The following INPP4A variants were observed in gnomAD, a reference collection of about 807,000 sequenced individuals.
INPP4A encodes the protein inositol polyphosphate-4-phosphatase type I A, also known as inositol polyphosphate-4-phosphatase, type I, 107kD.
Under a neutral mutation model 119.8 loss-of-function variants are expected in INPP4A, and 33 were observed. The ratio of observed to expected loss-of-function variants is 0.28; its 90% CI spans 0.21 to 0.37. INPP4A has a LOEUF of 0.37. Among genes scored for constraint, INPP4A ranks in the 10% least tolerant of loss-of-function variants. INPP4A has a pLI of 1.00. For missense variants in INPP4A, 956 were observed against 1,289.9 expected (o/e 0.74, Z 3.97); for synonymous variants, 496 against 500.7 (o/e 0.99, Z 0.12).
In INPP4A at chr2:98,555,594, C is replaced by T. The variant is rs898933017; in HGVS notation, c.1608C>T (p.Ile536=). 4.3e-6 allele frequency: 7 copies of T among 1,613,464 alleles called. No individual in the cohort carries two copies. The highest frequency in any genetic ancestry group is 1.6e-4 in the Middle Eastern group (1 of 6,080). Residue 536 remains isoleucine (I), a synonymous_variant, in exon 16 of 25, where the codon ATC becomes ATT. Transcript: ENST00000409851. ...ACGTGGACAAGAGCCTAGAGTGCATCATTCAGCGTGTGGACAAGCTGCTGC... is the reference window on the plus strand; with the variant it reads ...ACGTGGACAAGAGCCTAGAGTGCATTATTCAGCGTGTGGACAAGCTGCTGC... ...WLNVDKSLEC[I]IQRVDKLLQK... is the part of the protein sequence containing the mutation.
chr2:98,591,579 C>T lies in INPP4A; in HGVS notation c.*3971C>T, dbSNP rs1027165177. 17 of 152,206 alleles carry T rather than the reference C, an allele frequency of 1.1e-4. No homozygotes were observed. The highest frequency in any genetic ancestry group is 4.1e-4 in the African/African-American group (17 of 41,522). The allele number at this position is 152,206 out of a possible 1,614,324, so 9.4% of individuals were successfully genotyped here. ...TCAGCTACCGTGAGCTTCTTCCTGC[C>T]CTCCCTCCGCATGCCATTCTGGTGC... On this transcript the variant is annotated 3_prime_UTR_variant, in exon 25 of 25. Coordinates refer to ENST00000409851, the MANE Select transcript of INPP4A (RefSeq NM_001134225.2).
At chr2:98,565,116 A>G (rs1696192278) in intron 19 of INPP4A, among the ~76,000 whole-genome samples, 1 of 152,216 alleles carries the variant, frequency 6.6e-6, no homozygotes, top group African/African-American at 2.4e-5. Context: ...GGGTAGGAAT[A>G]TTTTTAAATT....
Position 98,519,991 on chromosome 2 carries a change from C to A in INPP4A, c.-58C>A. ...ACTAGGGCTCGGTGCCAGCACTTCC[C>A]GGGTAATCAGGCGTGGTCTGACCGA... is the stretch of plus-strand genomic sequence containing the variant. On this transcript the variant is annotated 5_prime_UTR_variant, in exon 3 of 25. Transcript: ENST00000409851. The A allele has an allele frequency of 1.4e-6, 2 of 1,416,658 alleles. No homozygotes were observed. Among genetic ancestry groups the A allele is most frequent in the South Asian group, 1.2e-5 (1 of 81,192 alleles). The allele number at this position is 1,416,658 out of a possible 1,614,324, so 87.8% of individuals were successfully genotyped here.
intron 7 of INPP4A, among the ~76,000 whole-genome samples, chr2:98,536,880 C>T (rs1047747037): frequency 2.0e-5 from 3 of 152,186 alleles, no homozygotes; most frequent in Admixed American, 6.5e-5. Flanking sequence ...CATTGGCTGT[C>T]TAATCAGTGG....
intron 1 of INPP4A, among the ~76,000 whole-genome samples, chr2:98,491,384 C>A (rs772353464): frequency 3.3e-5 from 5 of 152,232 alleles, no homozygotes; most frequent in Non-Finnish European, 7.3e-5. Context: ...ATTTACACCC[C>A]CAGGCCCTCA....
At chr2:98,508,201 C>A (rs1457260574) in intron 1 of INPP4A, among the ~76,000 whole-genome samples, 1 of 152,188 alleles carries the variant, frequency 6.6e-6, no homozygotes, top group Non-Finnish European at 1.5e-5. Flanking sequence ...TCCAGGTGGC[C>A]AGCTCTGGGC....
intron 13 of INPP4A, among the ~76,000 whole-genome samples, chr2:98,550,300 A>T (rs1027864571): frequency 1.3e-5 from 2 of 152,070 alleles, no homozygotes; most frequent in Non-Finnish European, 2.9e-5. Context: ...GGAGACTGTG[A>T]GGGGCTAAAT....
At chr2:98,483,922 C>T (rs549191157) in intron 1 of INPP4A, among the ~76,000 whole-genome samples, 1 of 152,198 alleles carries the variant, frequency 6.6e-6, no homozygotes, top group African/African-American at 2.4e-5. Flanking sequence ...CATAAAGAAG[C>T]TCCTGCACCC....
intron 1 of INPP4A, among the ~76,000 whole-genome samples, chr2:98,495,456 A>G (rs1681739760): frequency 6.6e-6 from 1 of 152,240 alleles, no homozygotes; most frequent in Admixed American, 6.5e-5. Flanking sequence ...AAATATTTGA[A>G]GAGATTTATT....
At chr2:98,471,573 G>C (rs891793730) in intron 1 of INPP4A, among the ~76,000 whole-genome samples, 1 of 152,224 alleles carries the variant, frequency 6.6e-6, no homozygotes, top group Non-Finnish European at 1.5e-5. Flanking sequence ...CTCACAGGCT[G>C]CAGCCTCAGG....
intron 1 of INPP4A, among the ~76,000 whole-genome samples, chr2:98,455,999 A>ACAGTCCCCCAGT (rs1696078453): frequency 6.6e-6 from 1 of 152,146 alleles, no homozygotes; most frequent in South Asian, 2.1e-4. Context: ...CCCTTTGCAG[A>ACAGTCCCCCAGT]CAGTCCCCCA....
chr2:98,446,928 GAAAAA>G (rs2104371105), intron 1 of INPP4A, among the ~76,000 whole-genome samples: 1 of 152,264 alleles, frequency 6.6e-6, no homozygotes, highest in East Asian at 1.9e-4. Context: ...TAGAGCACTA[GAAAAA>G]TGGGATGTGT....
intron 1 of INPP4A, among the ~76,000 whole-genome samples, chr2:98,491,454 A>G (rs1680760264): frequency 6.6e-6 from 1 of 152,224 alleles, no homozygotes. Context: ...TGTGGTTTCC[A>G]GGCCTCCAAC....
In INPP4A at chr2:98,504,587, G is replaced by C. The variant is rs1369928713; in HGVS notation, c.-165-14377G>C. On this transcript the variant is annotated intron_variant, in intron 1 of 24. Transcript: ENST00000409851. ...TCCCCAGTCTCCTGGCTTACTGCCT[G>C]GTTTCTAAAATAGCATTGTCTTCCC... Among the ~76,000 whole-genome samples the C allele has an allele frequency of 5.3e-5, 8 of 152,184 alleles. No homozygotes were observed. In the East Asian group the frequency reaches 1.5e-3, roughly 29 times the overall value.
At chr2:98,464,036 G>T (rs1219030693) in intron 1 of INPP4A, among the ~76,000 whole-genome samples, 1 of 152,204 alleles carries the variant, frequency 6.6e-6, no homozygotes, top group Non-Finnish European at 1.5e-5. Flanking sequence ...GCCTGCAGAT[G>T]GCTGTTTTTA....
At chr2:98,477,482 C>T (rs552073594) in intron 1 of INPP4A, among the ~76,000 whole-genome samples, 1 of 152,348 alleles carries the variant, frequency 6.6e-6, no homozygotes, top group South Asian at 2.1e-4. Flanking sequence ...GATACTTGGA[C>T]ACCATGTTAC....
intron 1 of INPP4A, among the ~76,000 whole-genome samples, chr2:98,493,217 A>C (rs1412951632): frequency 6.6e-6 from 1 of 151,932 alleles, no homozygotes; most frequent in Non-Finnish European, 1.5e-5. Context: ...GGAAAGGGTG[A>C]GCCCTTTTTT....
chr2:98,576,038 T>C (rs1698360795), intron 23 of INPP4A, among the ~76,000 whole-genome samples: 1 of 152,220 alleles, frequency 6.6e-6, no homozygotes, highest in South Asian at 2.1e-4. Context: ...CGGGGGAGCC[T>C]GAGACAGCAC....
intron 23 of INPP4A, among the ~76,000 whole-genome samples, chr2:98,573,687 CCT>C (rs1697899373): frequency 6.6e-6 from 1 of 152,202 alleles, no homozygotes; most frequent in South Asian, 2.1e-4. Context: ...CTGAAGTGTG[CCT>C]CTCCGTCTTG....
Sources: gnomAD v4.1 joint callset for allele counts (sites outside exome capture counted in the v4.1 genomes callset) on GRCh38, gnomAD v4.1.1 for gene constraint, MANE v1.5 for transcripts, NCBI Gene and HGNC (gene_info 2026-07-23, HGNC 2026-07-21) for gene names.